MEI4: variants seen among roughly 807,000 people sequenced by gnomAD.
MEI4 encodes meiosis-specific protein MEI4.
A neutral mutation model predicts 31.4 loss-of-function variants in MEI4; 27 were observed. The observed-to-expected ratio is 0.86, with a 90% CI of 0.63 to 1.19. MEI4 has a LOEUF of 1.19. Ranked by LOEUF, MEI4 falls within the 50% of genes most tolerant of loss-of-function variation. MEI4 has a pLI of 0.00. For missense variants in MEI4, 329 were observed against 398.9 expected (o/e 0.82, Z 1.49); for synonymous variants, 122 against 145.4 (o/e 0.84, Z 1.16).
chr6:77,801,313 G>T (rs1368851161), intron 3 of MEI4, among the ~76,000 whole-genome samples: 1 of 152,144 alleles, frequency 6.6e-6, no homozygotes, highest in African/African-American at 2.4e-5. Flanking sequence ...ATGGTAGTTT[G>T]TATTTCTGTG....
At chr6:77,818,751 G>C (rs1460844710) in intron 3 of MEI4, among the ~76,000 whole-genome samples, 1 of 152,122 alleles carries the variant, frequency 6.6e-6, no homozygotes, top group Admixed American at 6.6e-5. Context: ...AATAGTGACA[G>C]GGTCTTGCTC....
At position 77,923,141 on chromosome 6, in the gene MEI4, G is replaced by C; in HGVS notation, c.953G>C (p.Trp318Ser). The C allele has an allele frequency of 8.1e-7, 1 of 1,230,482 alleles. No homozygotes were observed. Among genetic ancestry groups the C allele is most frequent in the Non-Finnish European group, 1.0e-6 (1 of 986,836 alleles). The allele number at this position is 1,230,482 out of a possible 1,614,324, so 76.2% of individuals were successfully genotyped here. A position where few individuals can be genotyped will look rare whatever the true frequency, so the allele number is the denominator to read the frequency against. The change falls in exon 5 of 5, where the codon TGG (tryptophan) becomes TCG (serine). Residue 318 changes from tryptophan (W) to serine (S), a missense_variant. Trp to Ser is a radical substitution (Grantham distance 177). Transcript: ENST00000684080. ...SRYENIFYLF[W>S]VLEQLLQKET... is the part of the protein sequence containing the mutation. ...TATGAAAACATTTTCTACCTGTTCT[G>C]GGTTCTGGAGCAGCTTCTTCAAAAG...
At chr6:77,837,969 C>CA (rs1397279807) in intron 4 of MEI4, among the ~76,000 whole-genome samples, 1 of 151,964 alleles carries the variant, frequency 6.6e-6, no homozygotes, top group African/African-American at 2.4e-5. Flanking sequence ...ACAACAGTGC[C>CA]ACCTATCTCA....
intron 2 of MEI4, among the ~76,000 whole-genome samples, chr6:77,714,257 A>T (rs1766531695): frequency 6.6e-6 from 1 of 152,054 alleles, no homozygotes; most frequent in South Asian, 2.1e-4. Context: ...ACAAAACAGA[A>T]AAGTAAAGCA....
chr6:77,917,406 A>G (rs1312686727), intron 4 of MEI4, among the ~76,000 whole-genome samples: 2 of 150,652 alleles, frequency 1.3e-5, no homozygotes, highest in Admixed American at 6.7e-5. Flanking sequence ...AAGTGTTCCT[A>G]TTTCTCCACA....
At chr6:77,688,373 T>A (rs1769095224) in intron 1 of MEI4, among the ~76,000 whole-genome samples, 1 of 152,134 alleles carries the variant, frequency 6.6e-6, no homozygotes, top group Non-Finnish European at 1.5e-5. Context: ...TTATTAGCAA[T>A]TATTTCTTTT....
intron 2 of MEI4, among the ~76,000 whole-genome samples, chr6:77,751,500 A>G (rs1767774416): frequency 2.6e-5 from 4 of 152,198 alleles, no homozygotes; most frequent in Non-Finnish European, 5.9e-5. Context: ...CTATGCAAAT[A>G]AACTAGAAAA....
chr6:77,733,231 A>T (rs1301754867), intron 2 of MEI4, among the ~76,000 whole-genome samples: 1 of 151,958 alleles, frequency 6.6e-6, no homozygotes, highest in Non-Finnish European at 1.5e-5. Flanking sequence ...CCTCTGGTAG[A>T]ATTTGGCTGT....
chr6:77,833,394 A>G (rs1471311762), intron 4 of MEI4, among the ~76,000 whole-genome samples: 1 of 152,074 alleles, frequency 6.6e-6, no homozygotes, highest in Non-Finnish European at 1.5e-5. Context: ...TTTTATATGA[A>G]TTTTATTAAT....
intron 2 of MEI4, among the ~76,000 whole-genome samples, chr6:77,729,894 A>G (rs1224483593): frequency 6.6e-6 from 1 of 152,178 alleles, no homozygotes; most frequent in African/African-American, 2.4e-5. Flanking sequence ...AGTGAAGTAG[A>G]TGCATGGTAG....
chr6:77,772,916 T>G (rs1387198906), intron 3 of MEI4, among the ~76,000 whole-genome samples: 1 of 151,764 alleles, frequency 6.6e-6, no homozygotes, highest in Non-Finnish European at 1.5e-5. Context: ...GTGAAAAATG[T>G]TAAAAAGAAA....
intron 3 of MEI4, among the ~76,000 whole-genome samples, chr6:77,779,397 T>A (rs976592768): frequency 6.6e-6 from 1 of 152,204 alleles, no homozygotes; most frequent in African/African-American, 2.4e-5. Flanking sequence ...TTTAGTACCC[T>A]TGTCACAAAT....
Position 77,805,986 on chromosome 6 carries a change from TAAGAG to T in MEI4, c.769-22939_769-22935del, listed in dbSNP as rs1441020842. On this transcript the variant is annotated intron_variant, in intron 3 of 4. Transcript: ENST00000684080. The stretch of plus-strand genomic sequence containing the variant: ...TTAGGATGTAAAGAATATTTCTTCC[TAAGAG>T]AAGAGGGATGAAAATAACCTGACCT... Among the ~76,000 whole-genome samples the T allele has an allele frequency of 2.0e-5, 3 of 152,252 alleles. No homozygotes were observed. In the East Asian group the frequency reaches 5.8e-4, roughly 29 times the overall value.
At chr6:77,904,828 A>G (rs1766257798) in intron 4 of MEI4, among the ~76,000 whole-genome samples, 1 of 152,106 alleles carries the variant, frequency 6.6e-6, no homozygotes, top group African/African-American at 2.4e-5. Context: ...TCAGTTTCAC[A>G]ATTTGCATCT....
At chr6:77,715,819 T>C (rs903766010) in intron 2 of MEI4, among the ~76,000 whole-genome samples, 6 of 152,254 alleles carry the variant, frequency 3.9e-5, no homozygotes, top group African/African-American at 4.8e-5. Context: ...TATTATGTCA[T>C]GCTTCAAATA....
chr6:77,827,552 C>T (rs920257402), intron 3 of MEI4, among the ~76,000 whole-genome samples: 2 of 152,008 alleles, frequency 1.3e-5, no homozygotes, highest in Admixed American at 6.6e-5. Context: ...ATTGGCAGAA[C>T]TCACATCCAA....
chr6:77,784,098 A>G (rs560276493), intron 3 of MEI4, among the ~76,000 whole-genome samples: 3 of 152,250 alleles, frequency 2.0e-5, no homozygotes, highest in Admixed American at 6.5e-5. Flanking sequence ...ATAGTGATGC[A>G]TGAATCCCAG....
chr6:77,809,993 G>A (rs1161562848), intron 3 of MEI4, among the ~76,000 whole-genome samples: 1 of 152,022 alleles, frequency 6.6e-6, no homozygotes, highest in Non-Finnish European at 1.5e-5. Flanking sequence ...AATATCATGT[G>A]CAGTTGGCAG....
intron 3 of MEI4, among the ~76,000 whole-genome samples, chr6:77,778,276 G>A (rs537195133): frequency 1.3e-5 from 2 of 152,012 alleles, no homozygotes; most frequent in Non-Finnish European, 2.9e-5. Context: ...GAATAATACA[G>A]GTAAATACAA....
Sources: allele counts gnomAD v4.1 joint callset (sites outside exome capture counted in the v4.1 genomes callset), GRCh38; gene constraint gnomAD v4.1.1; transcripts MANE v1.5; gene names NCBI Gene and HGNC (gene_info 2026-07-23, HGNC 2026-07-21).